The following TBC1D12 variants were observed in gnomAD, a reference collection of about 807,000 sequenced individuals.
TBC1D12 encodes TBC1 domain family member 12.
A neutral mutation model predicts 86.7 loss-of-function variants in TBC1D12; 56 were observed. The observed-to-expected ratio is 0.65, with a 90% CI of 0.52 to 0.81. The LOEUF is 0.81. Among genes scored for constraint, TBC1D12 ranks in the 30% least tolerant of loss-of-function variants. TBC1D12 has a pLI of 0.00. For missense variants in TBC1D12, 1,023 were observed against 1,038.8 expected, an observed-to-expected ratio of 0.98 and a Z score of 0.21; for synonymous variants, 421 against 411.7, an observed-to-expected ratio of 1.02 and a Z score of -0.27.
intron 2 of TBC1D12, among the ~76,000 whole-genome samples, chr10:94,466,857 A>G (rs190502700): frequency 6.2e-4 from 94 of 152,276 alleles, no homozygotes; most frequent in Admixed American, 1.7e-3. Context: ...CTAATCCGGA[A>G]TATCACATTA....
chr10:94,488,077 A>G (rs2056194467), intron 3 of TBC1D12, among the ~76,000 whole-genome samples: 2 of 151,742 alleles, frequency 1.3e-5, no homozygotes, highest in African/African-American at 4.8e-5. Context: ...TTATTGGTTC[A>G]TCTTTTAATC....
At chr10:94,517,773 A>G (rs1446468292) in intron 9 of TBC1D12, among the ~76,000 whole-genome samples, 1 of 152,252 alleles carries the variant, frequency 6.6e-6, no homozygotes, top group Non-Finnish European at 1.5e-5. Context: ...TGCTGAATCT[A>G]TAAATAACTC....
intron 2 of TBC1D12, among the ~76,000 whole-genome samples, chr10:94,466,400 GCTGT>G (rs1160165801): frequency 1.3e-5 from 2 of 151,406 alleles, no homozygotes; most frequent in Admixed American, 6.6e-5. Flanking sequence ...AAATTATATT[GCTGT>G]CTATTGACAA....
chr10:94,494,405 C>T (rs528074393), intron 4 of TBC1D12, among the ~76,000 whole-genome samples: 34 of 152,208 alleles, frequency 2.2e-4, no homozygotes, highest in African/African-American at 7.5e-4. Context: ...GAAGTTACTT[C>T]TTTAATGTTA....
In TBC1D12 at chr10:94,403,199, G is replaced by T; in HGVS notation, c.586G>T (p.Glu196Ter). Reference protein sequence around the residue: ...GSPSDWASPLEDPLRSCCLVA... With the variant: ...GSPSDWASPL Reference sequence around the variant, plus strand: ...CCCGTCCGATTGGGCCTCTCCGCTTGAGGACCCGCTGCGGAGCTGCTGCCT... The same window carrying T: ...CCCGTCCGATTGGGCCTCTCCGCTTTAGGACCCGCTGCGGAGCTGCTGCCT... Residue 196 changes from glutamate (E) to a stop codon, truncating the protein, a stop_gained, in exon 1 of 13, where the codon GAG (glutamate) becomes TAG (stop). Coordinates refer to ENST00000225235, the MANE Select transcript of TBC1D12 (RefSeq NM_015188.2). LOFTEE classifies it high-confidence loss of function. 4.0e-6 allele frequency: 6 copies of T among 1,501,230 alleles called. No individual in the cohort carries two copies. The highest frequency in any genetic ancestry group is 4.4e-6 in the Non-Finnish European group (5 of 1,127,710). The allele number at this position is 1,501,230 out of a possible 1,614,324, so 93.0% of individuals were successfully genotyped here.
intron 11 of TBC1D12, among the ~76,000 whole-genome samples, chr10:94,525,658 T>TC (rs1842268553): frequency 1.6e-5 from 1 of 62,116 alleles, no homozygotes; most frequent in African/African-American, 7.5e-5. Flanking sequence ...AGACTCCGTC[T>TC]CAAAAAAAAA....
intron 11 of TBC1D12, among the ~76,000 whole-genome samples, chr10:94,523,491 T>A (rs12770064): frequency 6.6e-6 from 1 of 152,000 alleles, no homozygotes; most frequent in South Asian, 2.1e-4. Context: ...AAGCTTTTTT[T>A]CCCCAAGATG....
intron 1 of TBC1D12, 113 bp from the exon 2 acceptor site, chr10:94,441,783 T>A: frequency 2.9e-6 from 3 of 1,051,754 alleles, no homozygotes; most frequent in Non-Finnish European, 4.1e-6. Context: ...TAGAAATAGT[T>A]TTATTTAAAA....
At chr10:94,523,192 C>CAAAAAAAAAAAAA (rs33935088) in intron 11 of TBC1D12, among the ~76,000 whole-genome samples, 1 of 44,076 alleles carries the variant, frequency 2.3e-5, no homozygotes, top group Non-Finnish European at 4.0e-5. Flanking sequence ...AACTCTATCT[C>CAAAAAAAAAAAAA]AAAAAAAAAA....
chr10:94,454,896 C>T (rs895090234), intron 2 of TBC1D12, among the ~76,000 whole-genome samples: 1 of 152,168 alleles, frequency 6.6e-6, no homozygotes, highest in Non-Finnish European at 1.5e-5. Context: ...ATTGCATTAA[C>T]TAGGACTTCC....
intron 1 of TBC1D12, among the ~76,000 whole-genome samples, chr10:94,434,522 A>G (rs911124287): frequency 1.3e-5 from 2 of 151,666 alleles, no homozygotes; most frequent in Non-Finnish European, 2.9e-5. Context: ...AAAAAAAAAG[A>G]AAAAGAAAAT....
intron 2 of TBC1D12, 61 bp downstream of exon 2, chr10:94,442,080 T>TTA: frequency 7.3e-7 from 1 of 1,370,428 alleles, no homozygotes; most frequent in Non-Finnish European, 9.5e-7. Context: ...CTTCTTCTTC[T>TTA]TCTTTTTTTT....
intron 2 of TBC1D12, among the ~76,000 whole-genome samples, chr10:94,469,137 A>G (rs1487423563): frequency 2.6e-5 from 4 of 152,238 alleles, no homozygotes; most frequent in Non-Finnish European, 5.9e-5. Context: ...ACAGAACAAA[A>G]TCAAGTATTA....
At chr10:94,440,919 G>A (rs1428505947) in intron 1 of TBC1D12, among the ~76,000 whole-genome samples, 4 of 152,106 alleles carry the variant, frequency 2.6e-5, no homozygotes, top group African/African-American at 4.8e-5. Flanking sequence ...AGGCGGTCTC[G>A]GCTCACTGCA....
At chr10:94,432,614 T>C (rs918085160) in intron 1 of TBC1D12, among the ~76,000 whole-genome samples, 3 of 152,184 alleles carry the variant, frequency 2.0e-5, no homozygotes, top group Non-Finnish European at 4.4e-5. Flanking sequence ...CATATTTCTT[T>C]TATGGAAATT....
intron 2 of TBC1D12, among the ~76,000 whole-genome samples, chr10:94,471,417 A>C (rs910093528): frequency 6.6e-6 from 1 of 152,158 alleles, no homozygotes; most frequent in African/African-American, 2.4e-5. Context: ...ACTTGGCTTT[A>C]TCCAAACTTT....
intron 11 of TBC1D12, 73 bp from the exon 12 acceptor site, chr10:94,531,129 T>A (rs1842408196): frequency 1.3e-6 from 2 of 1,503,958 alleles, no homozygotes; most frequent in African/African-American, 2.8e-5. Flanking sequence ...GTTCTTTTTT[T>A]ATAGAGATGC....
At chr10:94,480,090 ATT>A (rs982789125) in intron 3 of TBC1D12, among the ~76,000 whole-genome samples, 19 of 152,316 alleles carry the variant, frequency 1.2e-4, no homozygotes, top group Non-Finnish European at 2.6e-4. Context: ...CTATGGTAAC[ATT>A]TTGGGTCTCT....
At chr10:94,526,888 G>A (rs1420675909) in intron 11 of TBC1D12, among the ~76,000 whole-genome samples, 1 of 152,144 alleles carries the variant, frequency 6.6e-6, no homozygotes, top group East Asian at 1.9e-4. Flanking sequence ...ATCCTTGCCA[G>A]CATTTGTTAT....
Sources: gnomAD v4.1 joint callset for allele counts (sites outside exome capture counted in the v4.1 genomes callset) on GRCh38, gnomAD v4.1.1 for gene constraint, MANE v1.5 for transcripts, NCBI Gene and HGNC (gene_info 2026-07-23, HGNC 2026-07-21) for gene names.